The following DAB1 variants were observed in gnomAD, a reference collection of about 807,000 sequenced individuals.
DAB1 encodes disabled homolog 1.
In DAB1, 15 loss-of-function variants were observed where a neutral mutation model predicts 64.6. The observed-to-expected ratio is 0.23, with a 90% confidence interval of 0.16 to 0.36. The LOEUF (loss-of-function observed/expected upper bound fraction) is 0.36, where lower values mean the gene tolerates loss of function less well. DAB1 is among the 10% of genes least tolerant of loss of function. The pLI is 1.00. For missense variants in DAB1, 596 were observed against 706.7 expected (o/e 0.84, Z 1.78); for synonymous variants, 235 against 251.9 (o/e 0.93, Z 0.64).
At chr1:58,191,161 A>T (rs1471918753) in intron 4 of DAB1, among the ~76,000 whole-genome samples, 4 of 152,230 alleles carry the variant, frequency 2.6e-5, no homozygotes, top group African/African-American at 7.2e-5. Flanking sequence ...GGACTGAGAG[A>T]TCTTCTTAGC....
At chr1:58,133,742 G>C (rs1363938044) in intron 5 of DAB1, among the ~76,000 whole-genome samples, 1 of 152,212 alleles carries the variant, frequency 6.6e-6, no homozygotes, top group Non-Finnish European at 1.5e-5. Flanking sequence ...GTCACTCTGT[G>C]AAGTTTCCAA....
At chr1:58,219,025 C>CTCTCTCTCTCTCTCTCTCTCTCTCTGTG (rs376130413) in intron 4 of DAB1, among the ~76,000 whole-genome samples, 1 of 129,474 alleles carries the variant, frequency 7.7e-6, no homozygotes, top group African/African-American at 3.1e-5. Flanking sequence ...CTCTCTCTCT[C>CTCTCTCTCTCTCTCTCTCTCTCTCTGTG]TGTGTGTGTG....
chr1:57,501,049 A>T (rs1002646826), intron 7 of DAB1, among the ~76,000 whole-genome samples: 2 of 152,232 alleles, frequency 1.3e-5, no homozygotes, highest in Non-Finnish European at 2.9e-5. Context: ...CCCCTTTGTA[A>T]TGTGACTTTG....
chr1:57,331,261 A>G (rs1676646490), intron 1 of DAB1, among the ~76,000 whole-genome samples: 2 of 152,232 alleles, frequency 1.3e-5, no homozygotes, highest in South Asian at 4.1e-4. Flanking sequence ...CACTTACCAT[A>G]TGCCAAAGAC....
chr1:58,190,500 G>A (rs929957612), intron 4 of DAB1, among the ~76,000 whole-genome samples: 7 of 152,106 alleles, frequency 4.6e-5, no homozygotes, highest in African/African-American at 7.2e-5. Context: ...TGTTGGCCAC[G>A]GGTTCTCTCT....
At chr1:57,198,681 ACACACACACC>A (rs1484757457) in intron 2 of DAB1, among the ~76,000 whole-genome samples, 16 of 150,504 alleles carry the variant, frequency 1.1e-4, no homozygotes, top group Admixed American at 8.0e-4. Context: ...ACACACACAC[ACACACACACC>A]CATCAACTTT....
At chr1:58,048,160 A>T in intron 5 of DAB1, 1 of 1,291,530 alleles carries the variant, frequency 7.7e-7, no homozygotes, top group East Asian at 2.3e-5. Context: ...TCTCCTGCTA[A>T]GCTTTGTTTC....
chr1:57,410,538 G>A (rs1684025738), intron 1 of DAB1, among the ~76,000 whole-genome samples: 3 of 152,218 alleles, frequency 2.0e-5, no homozygotes, highest in African/African-American at 2.4e-5. Flanking sequence ...AACTTAGATT[G>A]AGCCTATGCT....
intron 4 of DAB1, among the ~76,000 whole-genome samples, chr1:58,251,651 G>T (rs116359647): frequency 1.3e-5 from 2 of 152,218 alleles, no homozygotes; most frequent in Non-Finnish European, 2.9e-5. Context: ...AGAGTGATGA[G>T]TTGGTGACAC....
chr1:57,822,305 G>A (rs1014648720), downstream of DAB1, among the ~76,000 whole-genome samples: 2 of 152,126 alleles, frequency 1.3e-5, no homozygotes, highest in Non-Finnish European at 2.9e-5. Flanking sequence ...TCTATCCAAA[G>A]GGAGTGCTGA....
rs573441186 is a variant in DAB1, at chr1:57,358,361, A to C, written c.-137+65569T>G. 3.4e-4 allele frequency among the ~76,000 whole-genome samples: 51 copies of C among 152,042 alleles called. 1 individual carries two copies. Among genetic ancestry groups the C allele is most frequent in the South Asian group, 6.2e-4 (3 of 4,816 alleles). On this transcript the variant is annotated intron_variant, in intron 1 of 14. Coordinates refer to ENST00000371236, the MANE Select transcript of DAB1 (RefSeq NM_001365792.1). ...TGTTGAGAGCTTTTATTATAAAGAG[A>C]TGTTACATTTTGTCAAATGCTTTTT...
At chr1:57,870,346 C>A (rs867016333) in intron 1 of DAB1, among the ~76,000 whole-genome samples, 1 of 152,070 alleles carries the variant, frequency 6.6e-6, no homozygotes, top group African/African-American at 2.4e-5. Flanking sequence ...AGTTATGGGG[C>A]CAGCCTAATA....
chr1:57,861,305 T>C (rs946772175), intron 1 of DAB1, among the ~76,000 whole-genome samples: 3 of 152,198 alleles, frequency 2.0e-5, no homozygotes, highest in Non-Finnish European at 4.4e-5. Context: ...ATATATTTCT[T>C]ACAGTTCAGG....
intron 5 of DAB1, among the ~76,000 whole-genome samples, chr1:58,148,857 A>G (rs1654766617): frequency 6.6e-6 from 1 of 152,150 alleles, no homozygotes; most frequent in Admixed American, 6.5e-5. Context: ...CTACAATTCA[A>G]GATGATATTT....
chr1:57,514,286 A>T (rs11207049), intron 7 of DAB1, among the ~76,000 whole-genome samples: 10,674 of 152,248 alleles, frequency 0.07, 1,175 homozygotes, highest in African/African-American at 0.23. Context: ...TGACTGTACT[A>T]ATTTGCATTC....
intron 4 of DAB1, among the ~76,000 whole-genome samples, chr1:57,107,090 C>T (rs1211364841): frequency 1.3e-5 from 2 of 151,928 alleles, no homozygotes; most frequent in African/African-American, 4.8e-5. Flanking sequence ...AAAAATCAAC[C>T]CAGGCCAGGC....
chr1:58,215,814 G>A (rs1658820834), intron 4 of DAB1, among the ~76,000 whole-genome samples: 1 of 152,160 alleles, frequency 6.6e-6, no homozygotes, highest in African/African-American at 2.4e-5. Flanking sequence ...TTCTTTTTCA[G>A]TACACTGGAG....
chr1:57,022,792 C>G (rs898724591), intron 11 of DAB1, among the ~76,000 whole-genome samples: 1 of 152,242 alleles, frequency 6.6e-6, no homozygotes. Flanking sequence ...CTTTAAGGCT[C>G]CCATGTATGT....
intron 2 of DAB1, among the ~76,000 whole-genome samples, chr1:57,180,808 C>T (rs1003738423): frequency 2.0e-5 from 3 of 152,156 alleles, no homozygotes; most frequent in African/African-American, 7.2e-5. Flanking sequence ...TTTTAATATT[C>T]AGTTCAAATG....
Sources: allele counts gnomAD v4.1 joint callset (sites outside exome capture counted in the v4.1 genomes callset), GRCh38; gene constraint gnomAD v4.1.1; transcripts MANE v1.5; gene names NCBI Gene and HGNC (gene_info 2026-07-23, HGNC 2026-07-21).